SMC6: variants seen among roughly 807,000 people sequenced by gnomAD.
SMC6 encodes the protein structural maintenance of chromosomes 6.
Under a neutral mutation model 142.2 loss-of-function variants are expected in SMC6, and 79 were observed. The observed-to-expected ratio is 0.56, with a 90% CI of 0.46 to 0.67. The LOEUF (loss-of-function observed/expected upper bound fraction) is 0.67, where lower values mean the gene tolerates loss of function less well. Ranked by LOEUF, SMC6 falls within the 30% of genes least tolerant of loss-of-function variation. The pLI is 0.00. For synonymous variants in SMC6, 411 were observed against 412.4 expected, an observed-to-expected ratio of 1.00 and a Z score of 0.04; for missense variants, 1,072 against 1,284.0, an observed-to-expected ratio of 0.83 and a Z score of 2.52.
chr2:17,726,906 T>C (rs1171639505), intron 7 of SMC6, among the ~76,000 whole-genome samples: 1 of 152,240 alleles, frequency 6.6e-6, no homozygotes, highest in Non-Finnish European at 1.5e-5. Context: ...ACTTCCTATG[T>C]AGCCTTGGAT....
chr2:17,723,178 C>A (rs1421445026), intron 9 of SMC6, among the ~76,000 whole-genome samples: 1 of 152,138 alleles, frequency 6.6e-6, no homozygotes, highest in Non-Finnish European at 1.5e-5. Context: ...CTGCCTAGAT[C>A]ATTTCAAAGT....
rs987121115 is a variant in SMC6 at position 17,737,600 on chromosome 2, A to C, written c.344+621T>G. Among the ~76,000 whole-genome samples, 13 of 152,336 alleles carry C rather than the reference A, an allele frequency of 8.5e-5. No individual in the cohort carries two copies. The East Asian group carries it at 1.9e-3, about 23-fold the overall frequency. ...ATTCACATATAGCTATGTGATGGCA[A>C]CCTATGACAAAAAGAAATATAAATG... is the stretch of plus-strand genomic sequence containing the variant. On this transcript the variant is annotated intron_variant, in intron 5 of 27. Coordinates refer to ENST00000448223, the MANE Select transcript of SMC6 (RefSeq NM_001142286.2).
chr2:17,678,276 G>C (rs949439473), intron 25 of SMC6, among the ~76,000 whole-genome samples: 1 of 152,060 alleles, frequency 6.6e-6, no homozygotes, highest in Non-Finnish European at 1.5e-5. Flanking sequence ...TAGTGGAGTA[G>C]AAAGACAAGG....
chr2:17,691,320 G>C (rs1334487631), intron 23 of SMC6, among the ~76,000 whole-genome samples: 1 of 101,006 alleles, frequency 9.9e-6, no homozygotes, highest in African/African-American at 5.3e-5. Flanking sequence ...TCTGGTGTGT[G>C]TGTGTGTGTG....
At chr2:17,731,216 A>T in intron 6 of SMC6, 77 bp from the exon 7 acceptor site, 1 of 939,256 alleles carries the variant, frequency 1.1e-6, no homozygotes, top group Non-Finnish European at 1.7e-6. Flanking sequence ...TTACTTACAA[A>T]ATATAAATAT....
At position 17,716,810 on chromosome 2, in the gene SMC6, G is replaced by A. The variant is rs144572982; in HGVS notation, c.1277C>T (p.Ser426Leu). The stretch of plus-strand genomic sequence containing the variant: ...AAACTGTTCGATCTCTTGATTGACT[G>A]AATTTTCTTGATTTTGAAAGGCCTT... Reference protein sequence around the residue: ...RVKAFQNQENSVNQEIEQFQQ... With the variant: ...RVKAFQNQENLVNQEIEQFQQ... The change falls in exon 14 of 28, where the codon TCA becomes TTA. Residue 426 changes from serine to leucine, a missense_variant. By Grantham distance (145) the Ser-to-Leu change is moderately radical. This residue lies in a region of SMC6 where 994 missense variants were observed against 1,153.2 expected (regional missense o/e 0.86). Transcript: ENST00000448223. The A allele has an allele frequency of 4.0e-5, 65 of 1,613,302 alleles. No homozygotes were observed. The highest frequency in any genetic ancestry group is 5.3e-5 in the Non-Finnish European group (62 of 1,179,736).
intron 16 of SMC6, chr2:17,713,286 C>T: frequency 3.0e-6 from 1 of 331,984 alleles, no homozygotes; most frequent in Non-Finnish European, 6.0e-6. Context: ...GACTTCGAGT[C>T]AGCTTCCTCT....
At chr2:17,696,576 G>A (rs1367046921) in intron 21 of SMC6, 150 bp from the exon 22 acceptor site, 2 of 698,032 alleles carry the variant, frequency 2.9e-6, no homozygotes, top group Non-Finnish European at 4.5e-6. Context: ...TAGAAGTGAG[G>A]AGTTTCCCAA....
In SMC6 at chr2:17,744,952, T is replaced by C. The variant is rs115772253; in HGVS notation, c.120+875A>G. ...CATTAATTATGACGTATAATTCTTT[T>C]TACATATAGTTGGCTTTTCCTATCT... is the stretch of plus-strand genomic sequence containing the variant. On this transcript the variant is annotated intron_variant, in intron 3 of 27. Transcript: ENST00000448223. Among the ~76,000 whole-genome samples, 1,051 of 152,330 alleles carry C rather than the reference T, an allele frequency of 6.9e-3. 10 individuals carry two copies. The highest frequency in any genetic ancestry group is 0.025 in the South Asian group (121 of 4,834).
chr2:17,741,590 C>G, intron 4 of SMC6, 22 bp downstream of exon 4: 1 of 1,505,874 alleles, frequency 6.6e-7, no homozygotes, highest in Non-Finnish European at 9.2e-7. Flanking sequence ...CAAAGTCAAA[C>G]GAGAAGGGAA....
chr2:17,681,465 A>C (rs1667235335), intron 24 of SMC6: 1 of 152,120 alleles, frequency 6.6e-6, no homozygotes, highest in African/African-American at 2.4e-5. Context: ...TACCTTCCTC[A>C]CTAAGCTTAA....
chr2:17,683,579 A>G (rs2124852964), intron 24 of SMC6, 59 bp downstream of exon 24: 1 of 1,411,806 alleles, frequency 7.1e-7, no homozygotes, highest in Non-Finnish European at 9.7e-7. Flanking sequence ...TATAAATAAT[A>G]TGAAAACAGA....
intron 21 of SMC6, 67 bp from the exon 22 acceptor site, chr2:17,696,493 A>T: frequency 6.6e-7 from 1 of 1,515,624 alleles, no homozygotes; most frequent in Non-Finnish European, 9.0e-7. Flanking sequence ...TAAAGATAAT[A>T]AACAACTCGG....
At chr2:17,728,743 G>A (rs1287436378) in intron 7 of SMC6, among the ~76,000 whole-genome samples, 2 of 139,990 alleles carry the variant, frequency 1.4e-5, no homozygotes, top group African/African-American at 5.9e-5. Flanking sequence ...TATACGCCAA[G>A]TCACACACAA....
At chr2:17,694,268 A>G (rs928488376) in intron 23 of SMC6, among the ~76,000 whole-genome samples, 2 of 152,140 alleles carry the variant, frequency 1.3e-5, no homozygotes, top group Admixed American at 6.5e-5. Context: ...GTTAGATAGA[A>G]TAAGTTCTGC....
chr2:17,664,785 C>T lies in SMC6; in HGVS notation c.*714G>A, dbSNP rs1666420062. ...CAGTTTTCCCAGCCCTTCTCCCAGC[C>T]TGGTTCTGCACAGTCCCTCTAGCCT... is the stretch of plus-strand genomic sequence containing the variant. On this transcript the variant is annotated 3_prime_UTR_variant, in exon 28 of 28. Transcript: ENST00000448223. 1 of 152,472 alleles carries T rather than the reference C, an allele frequency of 6.6e-6. No homozygotes were observed. Among genetic ancestry groups the T allele is most frequent in the South Asian group, 2.1e-4 (1 of 4,830 alleles). The allele number at this position is 152,472 out of a possible 1,614,324, so 9.4% of individuals were successfully genotyped here.
At chr2:17,697,647 T>A (rs1020307747) in intron 21 of SMC6, among the ~76,000 whole-genome samples, 1 of 152,116 alleles carries the variant, frequency 6.6e-6, no homozygotes, top group Non-Finnish European at 1.5e-5. Context: ...CACAATGAGA[T>A]ACCACTTCTC....
chr2:17,731,782 C>A lies in SMC6; in HGVS notation c.440G>T (p.Ser147Ile). The change falls in exon 6 of 28, where the codon AGC becomes ATC. Residue 147 changes from serine to isoleucine, a missense_variant. Transcript: ENST00000448223. ...TTTATAAGATCGACTTCCATCTATGCTGATGTGTTGCTGTATAAGTATAGA... is the reference window on the plus strand; with the variant it reads ...TTTATAAGATCGACTTCCATCTATGATGATGTGTTGCTGTATAAGTATAGA... ...GNSILIQQHI[S>I]IDGSRSYKLK... is the part of the protein sequence containing the mutation. 1 of 1,613,750 alleles carries A rather than the reference C, an allele frequency of 6.2e-7. No individual in the cohort carries two copies. Among genetic ancestry groups the A allele is most frequent in the South Asian group, 1.1e-5 (1 of 91,060 alleles).
At chr2:17,724,994 G>C (rs1344490586) in intron 9 of SMC6, among the ~76,000 whole-genome samples, 1 of 152,136 alleles carries the variant, frequency 6.6e-6, no homozygotes, top group Non-Finnish European at 1.5e-5. Flanking sequence ...CAGAGGATAA[G>C]TATGTAAGAT....
Sources: allele counts gnomAD v4.1 joint callset (sites outside exome capture counted in the v4.1 genomes callset), GRCh38; gene constraint gnomAD v4.1.1; regional missense constraint gnomAD v4.1.1; transcripts MANE v1.5; gene names NCBI Gene and HGNC (gene_info 2026-07-23, HGNC 2026-07-21).